VAT1L: variants seen among roughly 807,000 people sequenced by gnomAD.
VAT1L encodes putative NADPH-dependent quinone oxidoreductase VAT1L.
Under a neutral mutation model 44.1 loss-of-function variants are expected in VAT1L, and 34 were observed. The ratio of observed to expected loss-of-function variants is 0.77; its 90% confidence interval spans 0.59 to 1.03. The LOEUF (loss-of-function observed/expected upper bound fraction) is 1.03. Ranked by LOEUF, VAT1L falls within the 50% of genes least tolerant of loss-of-function variation. The pLI, the probability that VAT1L is intolerant of heterozygous loss-of-function variation, is 0.00. For missense variants in VAT1L, 615 were observed against 538.8 expected (o/e 1.14, Z -1.40); for synonymous variants, 253 against 202.2 (o/e 1.25, Z -2.13).
At chr16:77,815,547 G>A (rs542539864) in intron 1 of VAT1L, among the ~76,000 whole-genome samples, 8 of 152,310 alleles carry the variant, frequency 5.3e-5, no homozygotes, top group African/African-American at 1.2e-4. Context: ...CAAGGAAGTC[G>A]TCTTACTCAC....
rs561306355 is a variant in VAT1L, at chr16:77,872,305, G to A, written c.723-4065G>A. 6.6e-5 allele frequency among the ~76,000 whole-genome samples: 10 copies of A among 152,272 alleles called. 1 individual carries two copies. The highest frequency in any genetic ancestry group is 2.4e-4 in the African/African-American group (10 of 41,552). On this transcript the variant is annotated intron_variant, in intron 4 of 8. Transcript: ENST00000302536. ...CATTCTTAGGGTCCTTCTACAAGGA[G>A]TCAGTGGCCAGGCCTCCTGATTGCC... is the stretch of plus-strand genomic sequence containing the variant.
chr16:77,803,670 G>A (rs1263569397), intron 1 of VAT1L, among the ~76,000 whole-genome samples: 1 of 151,948 alleles, frequency 6.6e-6, no homozygotes, highest in Non-Finnish European at 1.5e-5. Context: ...CCGCCTGCCC[G>A]GGCCTCCCAA....
intron 7 of VAT1L, among the ~76,000 whole-genome samples, chr16:77,946,617 G>C (rs1480182768): frequency 6.6e-6 from 1 of 152,066 alleles, no homozygotes; most frequent in African/African-American, 2.4e-5. Context: ...CCTCTACTTG[G>C]AATTTTATTT....
intron 7 of VAT1L, among the ~76,000 whole-genome samples, chr16:77,919,113 G>C (rs1229976398): frequency 6.6e-6 from 1 of 152,138 alleles, no homozygotes; most frequent in Non-Finnish European, 1.5e-5. Flanking sequence ...AGTCCTTCTG[G>C]AGTTTTGAGG....
intron 1 of VAT1L, among the ~76,000 whole-genome samples, chr16:77,809,605 G>A (rs758507568): frequency 5.8e-4 from 89 of 152,196 alleles, no homozygotes; most frequent in Non-Finnish European, 1.1e-3. Flanking sequence ...TAAATGTCAT[G>A]ATGATCCTGA....
rs551173125 is a variant in VAT1L, at chr16:77,937,493, T to C, written c.1078-34357T>C. Among the ~76,000 whole-genome samples the C allele has an allele frequency of 2.9e-4, 44 of 150,030 alleles. No homozygotes were observed. In the East Asian group the frequency reaches 2.9e-3, roughly 10 times the overall value. ...AGTTACCCAAGAGACTTTCCCCCAC[T>C]ACCTCCCTTTGTGGCCGAGCTGTTT... On this transcript the variant is annotated intron_variant, in intron 7 of 8. Coordinates refer to ENST00000302536, the MANE Select transcript of VAT1L (RefSeq NM_020927.3).
At chr16:77,958,123 G>T (rs939910359) in intron 7 of VAT1L, among the ~76,000 whole-genome samples, 2 of 151,994 alleles carry the variant, frequency 1.3e-5, no homozygotes, top group Non-Finnish European at 2.9e-5. Context: ...GGCCAGGCTG[G>T]CCTCAAACTC....
intron 7 of VAT1L, among the ~76,000 whole-genome samples, chr16:77,922,316 T>G (rs1318963703): frequency 6.6e-6 from 1 of 152,126 alleles, no homozygotes; most frequent in Non-Finnish European, 1.5e-5. Context: ...CAAGCTGAGT[T>G]TCTCAGAGCC....
chr16:77,903,204 A>G (rs16946781), intron 7 of VAT1L, among the ~76,000 whole-genome samples: 35,057 of 152,012 alleles, frequency 0.23, 4,097 homozygotes, highest in South Asian at 0.26. Context: ...GAGTTTTCTC[A>G]CCTGTAAATT....
chr16:77,930,914 T>G (rs2017724594), intron 7 of VAT1L, among the ~76,000 whole-genome samples: 1 of 152,212 alleles, frequency 6.6e-6, no homozygotes, highest in Non-Finnish European at 1.5e-5. Context: ...TTCAACATAA[T>G]TCATTGAGTA....
intron 1 of VAT1L, among the ~76,000 whole-genome samples, chr16:77,805,063 T>C (rs74029405): frequency 0.011 from 1,620 of 152,264 alleles, 29 homozygotes; most frequent in African/African-American, 0.037. Context: ...TCAAGAGCCA[T>C]GAGCCAGCAG....
intron 1 of VAT1L, among the ~76,000 whole-genome samples, chr16:77,794,787 G>T (rs973489272): frequency 6.6e-6 from 1 of 152,170 alleles, no homozygotes; most frequent in Non-Finnish European, 1.5e-5. Context: ...GAGAGGAAAG[G>T]ATGACTCCAT....
At chr16:77,942,683 A>T (rs1010671345) in intron 7 of VAT1L, among the ~76,000 whole-genome samples, 1 of 152,184 alleles carries the variant, frequency 6.6e-6, no homozygotes, top group Admixed American at 6.5e-5. Context: ...ACATGTGCAG[A>T]TAGAGCAGTG....
intron 7 of VAT1L, among the ~76,000 whole-genome samples, chr16:77,914,323 T>A (rs577843032): frequency 1.3e-5 from 2 of 152,382 alleles, no homozygotes; most frequent in East Asian, 3.9e-4. Flanking sequence ...TGAGGTTGTA[T>A]GCATTCATTG....
chr16:77,832,970 G>A (rs562459831), intron 3 of VAT1L, among the ~76,000 whole-genome samples: 11 of 152,188 alleles, frequency 7.2e-5, no homozygotes, highest in African/African-American at 2.7e-4. Context: ...ATCACCGCAG[G>A]AGTATATTTT....
chr16:77,862,702 T>G, intron 3 of VAT1L, 46 bp from the exon 4 acceptor site: 1 of 1,587,738 alleles, frequency 6.3e-7, no homozygotes, highest in Non-Finnish European at 8.6e-7. Flanking sequence ...CTGGCTATGA[T>G]CTGGTGGCTC....
rs1445320579 is a variant in VAT1L at position 77,909,182 on chromosome 16, G to A, written c.1077+24380G>A. 2.0e-5 allele frequency among the ~76,000 whole-genome samples: 3 copies of A among 152,246 alleles called. No individual in the cohort carries two copies. The South Asian group carries it at 6.2e-4, about 32-fold the overall frequency. ...ATTACAGAAGAAAATGAGGCACAGA[G>A]GAGTAAAGTCGCTTGCCTGAAGTCA... On this transcript the variant is annotated intron_variant, in intron 7 of 8. Coordinates refer to ENST00000302536, the MANE Select transcript of VAT1L (RefSeq NM_020927.3).
chr16:77,889,339 G>A (rs138486063), intron 7 of VAT1L, among the ~76,000 whole-genome samples: 16 of 152,230 alleles, frequency 1.1e-4, no homozygotes, highest in African/African-American at 2.2e-4. Context: ...CTGCAGCCTC[G>A]GGTTTGCTTC....
intron 2 of VAT1L, among the ~76,000 whole-genome samples, chr16:77,821,696 C>T (rs2016455930): frequency 6.6e-6 from 1 of 152,002 alleles, no homozygotes; most frequent in Non-Finnish European, 1.5e-5. Context: ...ATAATAAAAG[C>T]AACCATAAGG....
Sources: allele counts gnomAD v4.1 joint callset (sites outside exome capture counted in the v4.1 genomes callset), GRCh38; gene constraint gnomAD v4.1.1; transcripts MANE v1.5; gene names NCBI Gene and HGNC (gene_info 2026-07-23, HGNC 2026-07-21).